The following QKI variants were observed in gnomAD, a reference collection of about 807,000 sequenced individuals.
QKI encodes the protein QKI, KH domain containing RNA binding.
In QKI, 10 loss-of-function variants were observed where a neutral mutation model predicts 39.0. That is an observed-to-expected ratio of 0.26 (90% CI 0.16 to 0.43). QKI has a LOEUF of 0.43. QKI is among the 20% of genes least tolerant of loss of function. QKI has a pLI of 1.00. For synonymous variants in QKI, 204 were observed against 155.4 expected (o/e 1.31, Z -2.33); for missense variants, 218 against 428.0 (o/e 0.51, Z 4.33).
In QKI at chr6:163,438,847, T is replaced by C. The variant is rs550757206; in HGVS notation, c.143-16432T>C. Among the ~76,000 whole-genome samples, 196 of 152,300 alleles carry C rather than the reference T, an allele frequency of 1.3e-3. 1 individual carries two copies. The highest frequency in any genetic ancestry group is 4.6e-3 in the African/African-American group (190 of 41,564). On this transcript the variant is annotated intron_variant, in intron 1 of 7. Coordinates refer to ENST00000361752, the MANE Select transcript of QKI (RefSeq NM_006775.3). The stretch of plus-strand genomic sequence containing the variant: ...TATAAAAGATATTTTTCTTAAGTAA[T>C]AAATTAACCTTAACATACTATAACT...
intron 3 of QKI, among the ~76,000 whole-genome samples, chr6:163,497,554 C>G (rs927885609): frequency 3.3e-5 from 5 of 150,770 alleles, no homozygotes; most frequent in African/African-American, 7.3e-5. Context: ...TAAGAATTTA[C>G]TCAGGCAATT....
chr6:163,473,929 A>G (rs1226870578), intron 2 of QKI, among the ~76,000 whole-genome samples: 1 of 152,226 alleles, frequency 6.6e-6, no homozygotes, highest in African/African-American at 2.4e-5. Context: ...TCTTAAAAAA[A>G]AAAATCACCA....
At chr6:163,548,050 CTGTT>C (rs532569286) in intron 4 of QKI, among the ~76,000 whole-genome samples, 17 of 152,274 alleles carry the variant, frequency 1.1e-4, no homozygotes, top group Admixed American at 2.6e-4. Flanking sequence ...TTTCAGAACA[CTGTT>C]TGTTTACGTA....
At chr6:163,568,898 G>T (rs1783535319) in intron 7 of QKI, 2 of 985,636 alleles carry the variant, frequency 2.0e-6, no homozygotes, top group Non-Finnish European at 2.4e-6. Flanking sequence ...CTGTGTAGGA[G>T]GCCAAGACTT....
At chr6:163,569,864 T>G (rs1783601536) in intron 7 of QKI, 1 of 988,386 alleles carries the variant, frequency 1.0e-6, no homozygotes, top group African/African-American at 1.7e-5. Flanking sequence ...TTCTATTTTT[T>G]GATGTACTTA....
At chr6:163,569,583 G>C (rs768290769) in intron 7 of QKI, 72 of 1,099,154 alleles carry the variant, frequency 6.6e-5, no homozygotes, top group Non-Finnish European at 7.9e-5. Flanking sequence ...GATTAAGGAA[G>C]GAACAACTCA....
At chr6:163,422,629 G>T (rs1028073310) in intron 1 of QKI, among the ~76,000 whole-genome samples, 1 of 152,148 alleles carries the variant, frequency 6.6e-6, no homozygotes, top group Non-Finnish European at 1.5e-5. Context: ...CCATAAAGTG[G>T]CTCCACATAA....
At position 163,570,807 on chromosome 6, in the gene QKI, C is replaced by A. The variant is rs926973808; in HGVS notation, c.*97C>A. On this transcript the variant is annotated 3_prime_UTR_variant, in exon 8 of 8. Coordinates refer to ENST00000361752, the MANE Select transcript of QKI (RefSeq NM_006775.3). ...CTGGTAATCGCCTTTGCTTGCCTGTCGTCAGTGCAGCGAGCTGAGGCACTT... is the reference window on the plus strand; with the variant it reads ...CTGGTAATCGCCTTTGCTTGCCTGTAGTCAGTGCAGCGAGCTGAGGCACTT... The A allele has an allele frequency of 2.0e-6, 3 of 1,515,564 alleles. No individual in the cohort carries two copies. The highest frequency in any genetic ancestry group is 9.0e-7 in the Non-Finnish European group (1 of 1,111,870). The allele number at this position is 1,515,564 out of a possible 1,614,324, so 93.9% of individuals were successfully genotyped here.
intron 2 of QKI, among the ~76,000 whole-genome samples, chr6:163,460,111 T>C (rs575153316): frequency 4.6e-5 from 7 of 152,362 alleles, no homozygotes; most frequent in African/African-American, 1.7e-4. Flanking sequence ...GGTCTAGCTG[T>C]TGATGATACT....
At chr6:163,549,010 T>C (rs1025810809) in intron 4 of QKI, among the ~76,000 whole-genome samples, 4 of 152,212 alleles carry the variant, frequency 2.6e-5, no homozygotes, top group Non-Finnish European at 5.9e-5. Context: ...ACTGTAATTA[T>C]AGAATATGGT....
At chr6:163,562,968 AATGCAATAAAAATT>A (rs1239877235) in intron 5 of QKI, among the ~76,000 whole-genome samples, 1 of 152,216 alleles carries the variant, frequency 6.6e-6, no homozygotes, top group African/African-American at 2.4e-5. Context: ...TACTTGACTA[AATGCAATAAAAATT>A]ATTCTTTCTT....
chr6:163,458,600 G>A (rs1158521970), intron 2 of QKI, among the ~76,000 whole-genome samples: 1 of 152,168 alleles, frequency 6.6e-6, no homozygotes, highest in Non-Finnish European at 1.5e-5. Context: ...AGTTAGAGAT[G>A]TGTTTTGGAC....
chr6:163,505,689 C>T (rs1336345356), intron 3 of QKI, among the ~76,000 whole-genome samples: 1 of 152,160 alleles, frequency 6.6e-6, no homozygotes, highest in South Asian at 2.1e-4. Context: ...TTGGAAATAA[C>T]TAACTTGTTT....
intron 1 of QKI, among the ~76,000 whole-genome samples, chr6:163,448,466 G>A (rs1438499881): frequency 1.3e-5 from 2 of 151,824 alleles, no homozygotes; most frequent in East Asian, 1.9e-4. Flanking sequence ...AGTGGCTCAC[G>A]CCTGTAATCC....
At position 163,571,253 on chromosome 6, in the gene QKI, G is replaced by C. The variant is rs1783684802; in HGVS notation, c.*543G>C. The C allele has an allele frequency of 6.6e-6, 1 of 152,206 alleles. No individual in the cohort carries two copies. The highest frequency in any genetic ancestry group is 1.5e-5 in the Non-Finnish European group (1 of 68,040). 9.4% of individuals were successfully genotyped at this position (152,206 alleles called of 1,614,324 possible). On this transcript the variant is annotated 3_prime_UTR_variant, in exon 8 of 8. Transcript: ENST00000361752. ...TTTGATATGCTGTTTAGTCACTACA[G>C]TGCCCTCAAAGGGCAGAAGTTGCAG... is the stretch of plus-strand genomic sequence containing the variant.
At chr6:163,442,147 C>G (rs2128215168) in intron 1 of QKI, among the ~76,000 whole-genome samples, 1 of 152,234 alleles carries the variant, frequency 6.6e-6, no homozygotes, top group Middle Eastern at 3.4e-3. Flanking sequence ...AAGAGAGAAT[C>G]TAGCTGTCTT....
intron 3 of QKI, among the ~76,000 whole-genome samples, chr6:163,511,022 G>A (rs1206095855): frequency 1.3e-5 from 2 of 152,038 alleles, no homozygotes; most frequent in Non-Finnish European, 2.9e-5. Context: ...GAGCATGCTG[G>A]GCTTTGTACA....
At position 163,577,654 on chromosome 6, in the gene QKI, T is replaced by TC. The variant is rs1468479450; in HGVS notation, c.*6950dup. Reference sequence around the variant, plus strand: ...CTTACTCTTCTCTTGCTTTAATCCTTCCCCCCGGCTCTCTGGCTCCTGTGG... The same window carrying TC: ...CTTACTCTTCTCTTGCTTTAATCCTTCCCCCCCGGCTCTCTGGCTCCTGTGG... On this transcript the variant is annotated 3_prime_UTR_variant, in exon 8 of 8. Transcript: ENST00000361752. The TC allele has an allele frequency of 4.6e-5, 7 of 152,308 alleles. No homozygotes were observed. Among genetic ancestry groups the TC allele is most frequent in the Non-Finnish European group, 1.5e-5 (1 of 68,034 alleles). The allele number at this position is 152,308 out of a possible 1,614,324, so 9.4% of individuals were successfully genotyped here.
intron 2 of QKI, among the ~76,000 whole-genome samples, chr6:163,455,637 A>G (rs1185071602): frequency 6.6e-6 from 1 of 152,178 alleles, no homozygotes; most frequent in East Asian, 1.9e-4. Context: ...TGCACATGGT[A>G]TAGACTCTTG....
Sources: gnomAD v4.1 joint callset for allele counts (sites outside exome capture counted in the v4.1 genomes callset) on GRCh38, gnomAD v4.1.1 for gene constraint, MANE v1.5 for transcripts, NCBI Gene and HGNC (gene_info 2026-07-23, HGNC 2026-07-21) for gene names.